The following TENM1 variants were observed in gnomAD, a reference collection of about 807,000 sequenced individuals.
TENM1 encodes teneurin transmembrane protein 1.
A neutral mutation model predicts 174.8 loss-of-function variants in TENM1; 35 were observed. The ratio of observed to expected loss-of-function variants is 0.20; its 90% confidence interval spans 0.15 to 0.27. The LOEUF (loss-of-function observed/expected upper bound fraction) is 0.27, where lower values mean the gene tolerates loss of function less well. Ranked by LOEUF, TENM1 falls within the 10% of genes least tolerant of loss-of-function variation. The pLI is 1.00. For synonymous variants in TENM1, 781 were observed against 798.7 expected, an observed-to-expected ratio of 0.98 and a Z score of 0.37; for missense variants, 1,633 against 2,130.1, an observed-to-expected ratio of 0.77 and a Z score of 4.59.
chrX:124,935,831 G>A (rs772633430), intron 1 of TENM1, among the ~76,000 whole-genome samples: 114 of 111,710 alleles, frequency 1.0e-3, no homozygotes, highest in African/African-American at 3.5e-3. Flanking sequence ...TCAGTTTTCC[G>A]GACATTAGTT....
intron 15 of TENM1, 37 bp from the exon 19 acceptor site, chrX:124,530,020 T>C (rs2048070447): frequency 8.4e-7 from 1 of 1,189,711 alleles, no homozygotes; most frequent in Non-Finnish European, 1.1e-6. Context: ...GAAAAGCATG[T>C]TGAGACTAGA....
chrX:124,935,344 A>G (rs2058229331), intron 1 of TENM1, among the ~76,000 whole-genome samples: 1 of 110,738 alleles, frequency 9.0e-6, no homozygotes, highest in African/African-American at 3.3e-5. Flanking sequence ...TATTGGTACA[A>G]TTTTTCCTAA....
intron 4 of TENM1, among the ~76,000 whole-genome samples, chrX:124,707,944 C>T (rs1196097464): frequency 4.4e-5 from 5 of 112,559 alleles, no homozygotes; most frequent in Non-Finnish European, 9.4e-5. Flanking sequence ...CCCCAGCCTA[C>T]CAGCATCACA....
At chrX:124,827,686 T>TA (rs1394032846) in intron 3 of TENM1, among the ~76,000 whole-genome samples, 3 of 111,841 alleles carry the variant, frequency 2.7e-5, no homozygotes, top group Non-Finnish European at 5.6e-5. Flanking sequence ...CCAAAGTCAA[T>TA]AAAAATATCT....
chrX:124,931,907 A>G (rs1443166068), intron 1 of TENM1, among the ~76,000 whole-genome samples: 3 of 110,746 alleles, frequency 2.7e-5, no homozygotes, highest in Non-Finnish European at 5.7e-5. Context: ...ACGTACACGC[A>G]CACACACCTG....
the TENM1 span, among the ~76,000 whole-genome samples, chrX:125,051,984 A>C: frequency 5.4e-5 from 6 of 110,777 alleles, no homozygotes; most frequent in African/African-American, 9.9e-5. Context: ...CAATGAACTC[A>C]AACAAATTTA....
intron 1 of TENM1, among the ~76,000 whole-genome samples, chrX:124,912,189 G>A (rs919430322): frequency 1.8e-5 from 2 of 111,428 alleles, no homozygotes; most frequent in African/African-American, 6.5e-5. Context: ...CAGAGGGTCA[G>A]CAAAATTGAG....
At chrX:124,446,857 G>A (rs1300857571) in intron 23 of TENM1, among the ~76,000 whole-genome samples, 1 of 112,161 alleles carries the variant, frequency 8.9e-6, no homozygotes, top group Non-Finnish European at 1.9e-5. Context: ...GTTTCAAAAG[G>A]TGGGAACTCC....
At chrX:124,638,790 T>C (rs765952449) in intron 11 of TENM1, among the ~76,000 whole-genome samples, 7 of 111,758 alleles carry the variant, frequency 6.3e-5, no homozygotes, top group Non-Finnish European at 1.1e-4. Context: ...GAGCTCACCA[T>C]AGCTGGCCCC....
At chrX:125,178,661 G>A in the TENM1 span, among the ~76,000 whole-genome samples, 7 of 111,787 alleles carry the variant, frequency 6.3e-5, no homozygotes, top group Non-Finnish European at 1.3e-4. Context: ...AGGAAGTAAC[G>A]TAGAGAAAGC....
chrX:125,162,427 C>G, the TENM1 span, among the ~76,000 whole-genome samples: 1 of 112,111 alleles, frequency 8.9e-6, no homozygotes, highest in Non-Finnish European at 1.9e-5. Context: ...TGAAATTTCT[C>G]TTTAAATGAA....
intron 28 of TENM1, among the ~76,000 whole-genome samples, chrX:124,390,172 C>T (rs958570113): frequency 8.9e-5 from 10 of 111,979 alleles, no homozygotes; most frequent in Admixed American, 9.5e-5. Context: ...GTTTGCTTCA[C>T]GTGATTCTTT....
chrX:124,602,896 G>A (rs1039529398), intron 11 of TENM1, among the ~76,000 whole-genome samples: 1 of 111,288 alleles, frequency 9.0e-6, no homozygotes, highest in Non-Finnish European at 1.9e-5. Context: ...TTTGAAAAAG[G>A]GTTTTTGCAA....
chrX:124,948,890 G>A (rs1479678965), intron 1 of TENM1, among the ~76,000 whole-genome samples: 1 of 112,014 alleles, frequency 8.9e-6, no homozygotes, highest in Non-Finnish European at 1.9e-5. Flanking sequence ...ATTCTCCAGT[G>A]TTTCATAGCA....
intron 11 of TENM1, among the ~76,000 whole-genome samples, chrX:124,578,079 C>T (rs776943190): frequency 1.0e-5 from 1 of 99,866 alleles, no homozygotes; most frequent in Non-Finnish European, 2.0e-5. Flanking sequence ...ACACATGCCA[C>T]CATGCCCAGC....
chrX:124,704,982 A>G (rs2052862907), intron 5 of TENM1, 31 bp downstream of exon 8: 2 of 1,124,269 alleles, frequency 1.8e-6, no homozygotes, highest in East Asian at 6.0e-5. Context: ...TTGATTAAGA[A>G]CAAAACTGAG....
At chrX:124,603,158 G>T (rs2050069258) in intron 11 of TENM1, among the ~76,000 whole-genome samples, 1 of 111,038 alleles carries the variant, frequency 9.0e-6, no homozygotes, top group Non-Finnish European at 1.9e-5. Flanking sequence ...CTGACATTTT[G>T]ATTTTAGACT....
intron 1 of TENM1, among the ~76,000 whole-genome samples, chrX:124,925,927 T>C (rs1315937908): frequency 1.8e-5 from 2 of 112,370 alleles, no homozygotes; most frequent in East Asian, 5.6e-4. Context: ...CAGCTTCAGC[T>C]GGTTTCTGCC....
chrX:125,006,336 C>T, the TENM1 span, among the ~76,000 whole-genome samples: 1 of 111,985 alleles, frequency 8.9e-6, no homozygotes, highest in Non-Finnish European at 1.9e-5. Flanking sequence ...TTAGGCAGGG[C>T]ATCTCTGCAG....
Sources: allele counts gnomAD v4.1 joint callset (sites outside exome capture counted in the v4.1 genomes callset), GRCh38; gene constraint gnomAD v4.1.1; transcripts MANE v1.5; gene names NCBI Gene and HGNC (gene_info 2026-07-23, HGNC 2026-07-21).